PCSK5: variants seen among roughly 807,000 people sequenced by gnomAD.
PCSK5 encodes prohormone convertase 5.
In PCSK5, 129 loss-of-function variants were observed where a neutral mutation model predicts 233.2. That is an observed-to-expected ratio of 0.55 (90% CI 0.48 to 0.64). The LOEUF is 0.64. Ranked by LOEUF, PCSK5 falls within the 30% of genes least tolerant of loss-of-function variation. The pLI is 0.00. For missense variants in PCSK5, 2,076 were observed against 2,430.1 expected (o/e 0.85, Z 3.06); for synonymous variants, 825 against 879.2 (o/e 0.94, Z 1.09).
Position 76,026,992 on chromosome 9 carries a change from A to G in PCSK5, c.587A>G (p.Asn196Ser), listed in dbSNP as rs1279502323. The G allele has an allele frequency of 6.8e-6, 11 of 1,610,208 alleles. No homozygotes were observed. Among genetic ancestry groups the G allele is most frequent in the Non-Finnish European group, 9.3e-6 (11 of 1,177,958 alleles). Residue 196 changes from asparagine (N) to serine (S), a missense_variant, in exon 5 of 38, where the codon AAT becomes AGT. By Grantham distance (46) the Asn-to-Ser change is conservative. Transcript: ENST00000674117. ...CTGGCAAGTTGCGACGTGAATGGGA[A>G]TGACTTGGACCCAATGCCTCGTTAT... ...DALASCDVNG[N>S]DLDPMPRYDA...
intron 24 of PCSK5, among the ~76,000 whole-genome samples, chr9:76,258,343 G>A (rs945446018): frequency 6.6e-6 from 1 of 152,294 alleles, no homozygotes; most frequent in Middle Eastern, 3.4e-3. Flanking sequence ...CATGACCCCA[G>A]CATTTGAGTG....
At chr9:76,185,090 CCAATGAATTATAT>C (rs1824038809) in intron 17 of PCSK5, among the ~76,000 whole-genome samples, 1 of 152,158 alleles carries the variant, frequency 6.6e-6, no homozygotes, top group Non-Finnish European at 1.5e-5. Context: ...GCAGGTAATA[CCAATGAATTATAT>C]TTAATCCCCC....
intron 2 of PCSK5, among the ~76,000 whole-genome samples, chr9:75,934,712 C>T (rs1486309858): frequency 1.3e-5 from 2 of 151,512 alleles, no homozygotes; most frequent in Non-Finnish European, 1.5e-5. Flanking sequence ...CTCCTGAGTA[C>T]CTGGGATTAC....
At chr9:76,196,268 G>A (rs1824696136) in intron 20 of PCSK5, among the ~76,000 whole-genome samples, 1 of 152,244 alleles carries the variant, frequency 6.6e-6, no homozygotes, top group Admixed American at 6.5e-5. Context: ...TGTCTGTAGG[G>A]TTAGGAGCCA....
intron 10 of PCSK5, 25 bp from the exon 11 acceptor site, chr9:76,157,020 C>A: frequency 6.5e-7 from 1 of 1,530,294 alleles, no homozygotes; most frequent in Non-Finnish European, 9.1e-7. Context: ...CTTAGTGAAG[C>A]TGACCAGTCT....
intron 33 of PCSK5, among the ~76,000 whole-genome samples, chr9:76,329,267 A>T (rs1234126540): frequency 6.6e-6 from 1 of 151,590 alleles, no homozygotes; most frequent in African/African-American, 2.4e-5. Flanking sequence ...TCCCAAGTAG[A>T]TGGGATGGGA....
chr9:76,188,176 T>C lies in PCSK5; in HGVS notation c.2283-402T>C, dbSNP rs187155642. On this transcript the variant is annotated intron_variant, in intron 17 of 37. Coordinates refer to ENST00000674117, the MANE Select transcript of PCSK5 (RefSeq NM_001372043.1). ...ACTGCATTTATAATCATGAAATAAC[T>C]GTTGAATTTATTATGTAGTAAGTCT... Among the ~76,000 whole-genome samples the C allele has an allele frequency of 4.2e-3, 644 of 152,286 alleles. 7 individuals carry two copies. The highest frequency in any genetic ancestry group is 0.014 in the African/African-American group (581 of 41,560).
At chr9:76,339,661 C>T (rs1271032513) in intron 35 of PCSK5, among the ~76,000 whole-genome samples, 3 of 152,092 alleles carry the variant, frequency 2.0e-5, no homozygotes, top group Non-Finnish European at 2.9e-5. Context: ...TCTCCTGCCT[C>T]AGCCTCCTAA....
At chr9:75,922,534 G>T (rs1285928268) in intron 1 of PCSK5, among the ~76,000 whole-genome samples, 1 of 152,190 alleles carries the variant, frequency 6.6e-6, no homozygotes, top group Non-Finnish European at 1.5e-5. Context: ...GGATGTGTTG[G>T]CTGTCTGCCA....
intron 20 of PCSK5, among the ~76,000 whole-genome samples, chr9:76,202,251 G>T (rs1276144090): frequency 1.3e-5 from 2 of 152,140 alleles, no homozygotes; most frequent in East Asian, 3.9e-4. Context: ...CATCTCTTCT[G>T]CCCCTATCCT....
At chr9:76,064,965 G>T (rs900785232) in intron 5 of PCSK5, among the ~76,000 whole-genome samples, 1 of 152,234 alleles carries the variant, frequency 6.6e-6, no homozygotes, top group Non-Finnish European at 1.5e-5. Context: ...GGGATTACAG[G>T]CATGGGCCAC....
intron 13 of PCSK5, among the ~76,000 whole-genome samples, chr9:76,173,016 A>G (rs1482665000): frequency 1.3e-5 from 2 of 152,370 alleles, no homozygotes; most frequent in East Asian, 1.9e-4. Flanking sequence ...ATAATTTTGT[A>G]TATGGTTTAA....
chr9:76,262,213 A>C (rs951519603), intron 24 of PCSK5, among the ~76,000 whole-genome samples: 6 of 152,168 alleles, frequency 3.9e-5, no homozygotes, highest in Admixed American at 3.9e-4. Context: ...AAGGTAATTT[A>C]TAGATTCAAT....
At chr9:76,075,544 A>G (rs1004766322) in intron 7 of PCSK5, among the ~76,000 whole-genome samples, 6 of 152,138 alleles carry the variant, frequency 3.9e-5, no homozygotes, top group Non-Finnish European at 7.4e-5. Flanking sequence ...CAAGTGAGAC[A>G]GGAAATTTTA....
chr9:76,000,183 G>T (rs568923057), intron 3 of PCSK5, among the ~76,000 whole-genome samples: 6 of 151,976 alleles, frequency 3.9e-5, no homozygotes, highest in Non-Finnish European at 8.8e-5. Context: ...AAAATTTTTG[G>T]TTGAAGAATC....
chr9:75,959,555 C>G (rs1825249744), intron 2 of PCSK5, among the ~76,000 whole-genome samples: 1 of 152,176 alleles, frequency 6.6e-6, no homozygotes, highest in Admixed American at 6.5e-5. Context: ...GATGATCCCC[C>G]CTGCTCCCTA....
At chr9:76,310,243 T>C (rs1321631339) in intron 29 of PCSK5, among the ~76,000 whole-genome samples, 1 of 147,096 alleles carries the variant, frequency 6.8e-6, no homozygotes, top group Non-Finnish European at 1.5e-5. Context: ...GCAAGACTCC[T>C]TCTCAAAAAA....
At chr9:75,925,574 G>A (rs1268512938) in intron 1 of PCSK5, among the ~76,000 whole-genome samples, 2 of 152,200 alleles carry the variant, frequency 1.3e-5, no homozygotes, top group Non-Finnish European at 2.9e-5. Context: ...TATGGGGTAT[G>A]CCAGAGGGGC....
intron 27 of PCSK5, among the ~76,000 whole-genome samples, chr9:76,300,762 C>T (rs760202616): frequency 6.6e-6 from 1 of 152,162 alleles, no homozygotes; most frequent in Non-Finnish European, 1.5e-5. Context: ...AGTTACTCAT[C>T]CTCTCTGAGC....
Sources: gnomAD v4.1 joint callset for allele counts (sites outside exome capture counted in the v4.1 genomes callset) on GRCh38, gnomAD v4.1.1 for gene constraint, MANE v1.5 for transcripts, NCBI Gene and HGNC (gene_info 2026-07-23, HGNC 2026-07-21) for gene names.